The following LUZP1 variants were observed in gnomAD, a reference collection of about 807,000 sequenced individuals.
LUZP1 encodes leucine zipper protein 1, also known as filamin mechanobinding actin cross-linking protein.
In LUZP1, 25 loss-of-function variants were observed where a neutral mutation model predicts 71.3. That is an observed-to-expected ratio of 0.35 (90% CI 0.26 to 0.49). LUZP1 has a LOEUF of 0.49. LUZP1 is among the 20% of genes least tolerant of loss of function. The pLI, the probability that LUZP1 is intolerant of heterozygous loss-of-function variation, is 0.99. For missense variants in LUZP1, 1,142 were observed against 1,300.8 expected, an observed-to-expected ratio of 0.88 and a Z score of 1.88; for synonymous variants, 481 against 506.4, an observed-to-expected ratio of 0.95 and a Z score of 0.67.
chr1:23,091,308 G>A (rs1643848874), exon 4 of LUZP1: 7 of 1,614,070 alleles, frequency 4.3e-6, no homozygotes, highest in Non-Finnish European at 5.9e-6. Context: ...GGGCTCAGGG[G>A]CATCCCCTGA....
intron 3 of LUZP1, among the ~76,000 whole-genome samples, chr1:23,104,642 G>C (rs1304907503): frequency 6.6e-6 from 1 of 152,098 alleles, no homozygotes; most frequent in East Asian, 1.9e-4. Flanking sequence ...CTGAGAGCAG[G>C]GACTGTGTTA....
intron 3 of LUZP1, among the ~76,000 whole-genome samples, chr1:23,107,707 C>T (rs1375719885): frequency 6.6e-6 from 1 of 152,134 alleles, no homozygotes; most frequent in Non-Finnish European, 1.5e-5. Flanking sequence ...GAGGCTGAGA[C>T]AGGAGAATCG....
chr1:23,091,638 G>GA lies in LUZP1; in HGVS notation c.2623dup (p.Ser875PhefsTer17). 1 of 1,614,126 alleles carries GA rather than the reference G, an allele frequency of 6.2e-7. No individual in the cohort carries two copies. The highest frequency in any genetic ancestry group is 8.5e-7 in the Non-Finnish European group (1 of 1,180,006). The stretch of plus-strand genomic sequence containing the variant: ...TGGCTTGATTATAATGCTGCTCCGA[G>GA]AGACCACTGTTTCTGGCCTGTCCTT... On this transcript the variant is annotated frameshift_variant, in exon 4 of 5. Transcript: ENST00000302291. LOFTEE classifies it high-confidence loss of function.
At chr1:23,105,346 T>A (rs1643971899) in intron 3 of LUZP1, among the ~76,000 whole-genome samples, 1 of 152,214 alleles carries the variant, frequency 6.6e-6, no homozygotes, top group South Asian at 2.1e-4. Context: ...AATAAACTGT[T>A]AAATCTCATT....
At chr1:23,167,778 G>C (rs1225180997) in intron 2 of LUZP1, among the ~76,000 whole-genome samples, 1 of 152,046 alleles carries the variant, frequency 6.6e-6, no homozygotes, top group Non-Finnish European at 1.5e-5. Context: ...GGCCGCTGCG[G>C]GTCGCCAGGT....
intron 2 of LUZP1, among the ~76,000 whole-genome samples, chr1:23,168,349 G>A (rs1283810938): frequency 1.6e-5 from 2 of 122,830 alleles, no homozygotes; most frequent in African/African-American, 3.1e-5. Flanking sequence ...GCCCCTGTCG[G>A]CCCGCGCCCC....
chr1:23,106,793 C>T (rs1643985804), intron 3 of LUZP1, among the ~76,000 whole-genome samples: 3 of 152,192 alleles, frequency 2.0e-5, no homozygotes, highest in African/African-American at 7.2e-5. Flanking sequence ...CCTAACTTGT[C>T]TCCCTGCTCC....
chr1:23,139,019 A>AAATATATATATATAT (rs1317355746), intron 2 of LUZP1, among the ~76,000 whole-genome samples: 1 of 59,954 alleles, frequency 1.7e-5, no homozygotes, highest in African/African-American at 9.3e-5. Context: ...AAAAAAAAAA[A>AAATATATATATATAT]ATATATATAT....
At chr1:23,130,403 G>A (rs948031022) in intron 2 of LUZP1, among the ~76,000 whole-genome samples, 2 of 151,458 alleles carry the variant, frequency 1.3e-5, no homozygotes, top group African/African-American at 4.9e-5. Flanking sequence ...TCATTTCTTT[G>A]TATTTTTACC....
chr1:23,119,123 T>A (rs983707612), intron 2 of LUZP1, among the ~76,000 whole-genome samples: 16 of 152,068 alleles, frequency 1.1e-4, no homozygotes, highest in African/African-American at 1.9e-4. Context: ...TAATTTCTCA[T>A]TTTTTTATAC....
At chr1:23,104,290 G>A (rs545484965) in intron 3 of LUZP1, among the ~76,000 whole-genome samples, 2 of 151,126 alleles carry the variant, frequency 1.3e-5, no homozygotes, top group Non-Finnish European at 2.9e-5. Flanking sequence ...AGGGATTCTC[G>A]AGAACTGCCT....
intron 2 of LUZP1, among the ~76,000 whole-genome samples, chr1:23,123,523 T>C (rs1644147333): frequency 1.3e-5 from 2 of 149,370 alleles, no homozygotes; most frequent in African/African-American, 4.9e-5. Context: ...ATCATTAGGC[T>C]ATCTCAAGGT....
At chr1:23,134,544 C>G (rs965415119) in intron 2 of LUZP1, among the ~76,000 whole-genome samples, 6 of 151,962 alleles carry the variant, frequency 3.9e-5, no homozygotes, top group African/African-American at 1.4e-4. Context: ...TTTGGGAGAT[C>G]GAGGCAGGAG....
intron 2 of LUZP1, among the ~76,000 whole-genome samples, chr1:23,145,979 C>T (rs548658044): frequency 9.9e-5 from 15 of 152,156 alleles, no homozygotes; most frequent in African/African-American, 3.6e-4. Flanking sequence ...AACACAATAA[C>T]CTAGTAAAAC....
chr1:23,109,597 G>A (rs1157250230), intron 2 of LUZP1: 1 of 152,166 alleles, frequency 6.6e-6, no homozygotes, highest in African/African-American at 2.4e-5. Context: ...GATCTCATCT[G>A]ATAGGTCGCA....
At chr1:23,127,584 C>T (rs1644181843) in intron 2 of LUZP1, among the ~76,000 whole-genome samples, 1 of 152,126 alleles carries the variant, frequency 6.6e-6, no homozygotes, top group African/African-American at 2.4e-5. Context: ...AGTGCAGTGG[C>T]ACAATCTCAG....
intron 2 of LUZP1, among the ~76,000 whole-genome samples, chr1:23,122,324 C>T (rs534187089): frequency 7.2e-5 from 11 of 152,246 alleles, no homozygotes; most frequent in African/African-American, 2.4e-4. Flanking sequence ...TAAGGTAGTT[C>T]CACTCAAAGT....
At chr1:23,091,351 A>C in exon 4 of LUZP1, 2 of 1,614,172 alleles carry the variant, frequency 1.2e-6, no homozygotes, top group South Asian at 2.2e-5. Flanking sequence ...CCCTGCTCAA[A>C]AAGGCAGGAC....
upstream of LUZP1, among the ~76,000 whole-genome samples, chr1:23,177,970 A>G (rs1204745384): frequency 6.6e-6 from 1 of 152,212 alleles, no homozygotes; most frequent in Non-Finnish European, 1.5e-5. Flanking sequence ...GATGGGACCC[A>G]GCGCAAACCT....
Sources: allele counts gnomAD v4.1 joint callset (sites outside exome capture counted in the v4.1 genomes callset), GRCh38; gene constraint gnomAD v4.1.1; transcripts MANE v1.5; gene names NCBI Gene and HGNC (gene_info 2026-07-23, HGNC 2026-07-21).